The following ZNF578 variants were observed in gnomAD, a reference collection of about 807,000 sequenced individuals.
The protein encoded by ZNF578 is zinc finger protein 578.
A neutral mutation model predicts 8.3 loss-of-function variants in ZNF578; 8 were observed. That is an observed-to-expected ratio of 0.96 (90% CI 0.56 to 1.74). ZNF578 has a LOEUF of 1.74. Ranked by LOEUF, ZNF578 falls within the 40% of genes most tolerant of loss-of-function variation. The pLI is 0.00. For synonymous variants in ZNF578, 206 were observed against 232.2 expected (o/e 0.89, Z 1.03); for missense variants, 726 against 707.5 (o/e 1.03, Z -0.30).
chr19:52,502,153 G>C (rs561846204), intron 4 of ZNF578, among the ~76,000 whole-genome samples: 1 of 152,116 alleles, frequency 6.6e-6, no homozygotes, highest in South Asian at 2.1e-4. Context: ...CATGGTCCTG[G>C]GAAGGGCTCA....
rs66998990 is a variant in ZNF578, at chr19:52,513,729, CAAAAA to C, written c.*1588_*1592del. ...TGGGCGACAGAGTGAGAGTCTGTCT[CAAAAA>C]AAAAAAAAAAAAGATATCAAACCCG... On this transcript the variant is annotated 3_prime_UTR_variant, in exon 6 of 6. Transcript: ENST00000421239. Among the ~76,000 whole-genome samples the C allele has an allele frequency of 8.1e-6, 1 of 123,388 alleles. No individual in the cohort carries two copies. The highest frequency in any genetic ancestry group is 1.7e-5 in the Non-Finnish European group (1 of 60,162). 80.9% of individuals were successfully genotyped at this position (123,388 alleles called of 152,430 possible). A position where few individuals can be genotyped will look rare whatever the true frequency, so the allele number is the denominator to read the frequency against.
chr19:52,496,625 A>G (rs1362223583), intron 3 of ZNF578, among the ~76,000 whole-genome samples: 1 of 143,554 alleles, frequency 7.0e-6, no homozygotes, highest in Non-Finnish European at 1.5e-5. Context: ...CACCGCGCTC[A>G]GCCTCATTAG....
intron 1 of ZNF578, chr19:52,455,937 T>G (rs551323330): frequency 1.6e-4 from 24 of 152,470 alleles, no homozygotes; most frequent in African/African-American, 5.8e-4. Flanking sequence ...AGGACCTCTC[T>G]GACCTCATCC....
intron 3 of ZNF578, among the ~76,000 whole-genome samples, chr19:52,498,715 T>C: frequency 8.4e-6 from 1 of 118,554 alleles, no homozygotes; most frequent in East Asian, 2.2e-4. Flanking sequence ...AGACAGAGTG[T>C]CACCCTATCA....
At chr19:52,500,017 T>A (rs1244073928) in intron 3 of ZNF578, among the ~76,000 whole-genome samples, 1 of 152,108 alleles carries the variant, frequency 6.6e-6, no homozygotes, top group African/African-American at 2.4e-5. Context: ...GGCCTTCACT[T>A]GAGCTGTCCC....
chr19:52,471,364 A>AC (rs1181563386), intron 2 of ZNF578, among the ~76,000 whole-genome samples: 2 of 152,142 alleles, frequency 1.3e-5, no homozygotes, highest in Non-Finnish European at 2.9e-5. Context: ...TAACTTTACA[A>AC]TTGTATGAGC....
intron 3 of ZNF578, among the ~76,000 whole-genome samples, chr19:52,493,208 GGAGCACAGC>G (rs1186066832): frequency 3.9e-5 from 6 of 152,086 alleles, no homozygotes; most frequent in Non-Finnish European, 8.8e-5. Context: ...CTCGGCCCCT[GGAGCACAGC>G]GCCCCGGGCC....
At chr19:52,471,844 G>A (rs910637009) in intron 2 of ZNF578, among the ~76,000 whole-genome samples, 3 of 152,122 alleles carry the variant, frequency 2.0e-5, no homozygotes, top group African/African-American at 7.2e-5. Context: ...GTGAATATAT[G>A]AAATTTCTAG....
chr19:52,474,110 G>A (rs550199228), intron 2 of ZNF578: 2 of 349,060 alleles, frequency 5.7e-6, no homozygotes, highest in Non-Finnish European at 1.2e-5. Flanking sequence ...ATTGCTTAGG[G>A]ATAAACTATG....
At chr19:52,482,861 T>A (rs7245771) in intron 2 of ZNF578, among the ~76,000 whole-genome samples, 2 of 147,684 alleles carry the variant, frequency 1.4e-5, no homozygotes, top group African/African-American at 5.0e-5. Flanking sequence ...TACTTGGACC[T>A]GGCTGGGAGG....
chr19:52,503,711 A>G (rs948123414), intron 4 of ZNF578, among the ~76,000 whole-genome samples: 4 of 151,600 alleles, frequency 2.6e-5, no homozygotes, highest in African/African-American at 7.3e-5. Context: ...CTGAAACACC[A>G]CTTGTATCTT....
intron 2 of ZNF578, among the ~76,000 whole-genome samples, chr19:52,475,604 G>A (rs1237955843): frequency 3.3e-5 from 5 of 152,072 alleles, no homozygotes; most frequent in African/African-American, 9.7e-5. Flanking sequence ...TGATCCACCC[G>A]CCTCGGCATC....
At chr19:52,485,244 A>C (rs2059340814) in intron 2 of ZNF578, among the ~76,000 whole-genome samples, 1 of 152,176 alleles carries the variant, frequency 6.6e-6, no homozygotes, top group African/African-American at 2.4e-5. Context: ...TCCTAGTAAG[A>C]ACAAGGCCCC....
intron 4 of ZNF578, among the ~76,000 whole-genome samples, chr19:52,502,124 G>A (rs906724930): frequency 6.6e-6 from 1 of 152,164 alleles, no homozygotes; most frequent in Non-Finnish European, 1.5e-5. Flanking sequence ...ACATGAACTT[G>A]GGAAGAGGCT....
intron 2 of ZNF578, among the ~76,000 whole-genome samples, chr19:52,482,474 A>T (rs942889860): frequency 6.6e-6 from 1 of 152,006 alleles, no homozygotes; most frequent in Non-Finnish European, 1.5e-5. Flanking sequence ...CATCTCTACT[A>T]AAAAAATACA....
intron 1 of ZNF578, 23 bp from the exon 2 acceptor site, chr19:52,456,845 T>C (rs541359577): frequency 1.3e-5 from 2 of 153,320 alleles, no homozygotes; most frequent in South Asian, 4.1e-4. Flanking sequence ...TTTTAAAAAG[T>C]TTTCTTTTTC....
chr19:52,504,310 C>G (rs542769512), intron 4 of ZNF578, among the ~76,000 whole-genome samples: 2 of 146,702 alleles, frequency 1.4e-5, no homozygotes, highest in African/African-American at 2.4e-5. Flanking sequence ...AGGGTGGTCT[C>G]GAACTCTTGA....
At chr19:52,492,203 C>T (rs555841480) in intron 3 of ZNF578, among the ~76,000 whole-genome samples, 2 of 134,400 alleles carry the variant, frequency 1.5e-5, no homozygotes, top group African/African-American at 5.5e-5. Context: ...GAGGGAGAGA[C>T]GAGGAAGGGA....
At chr19:52,489,123 G>A (rs1481675563) in intron 2 of ZNF578, among the ~76,000 whole-genome samples, 1 of 151,908 alleles carries the variant, frequency 6.6e-6, no homozygotes, top group East Asian at 1.9e-4. Context: ...AGAAAAAGTA[G>A]CCGAGGGTGG....
Sources: gnomAD v4.1 joint callset for allele counts (sites outside exome capture counted in the v4.1 genomes callset) on GRCh38, gnomAD v4.1.1 for gene constraint, MANE v1.5 for transcripts, NCBI Gene and HGNC (gene_info 2026-07-23, HGNC 2026-07-21) for gene names.